The following CCL26 variants were observed in gnomAD, a reference collection of about 807,000 sequenced individuals.
CCL26 encodes C-C motif chemokine 26.
A neutral mutation model predicts 10.7 loss-of-function variants in CCL26; 10 were observed. The observed-to-expected ratio is 0.93, with a 90% CI of 0.57 to 1.58. The LOEUF is 1.58. CCL26 is among the 40% of genes most tolerant of loss of function. CCL26 has a pLI of 0.00. For missense variants in CCL26, 116 were observed against 111.0 expected, an observed-to-expected ratio of 1.05 and a Z score of -0.20; for synonymous variants, 43 against 41.4, an observed-to-expected ratio of 1.04 and a Z score of -0.15.
chr7:75,790,218 T>TCCTTCTTTCTTC (rs1803302008), upstream of CCL26, among the ~76,000 whole-genome samples: 1 of 66,802 alleles, frequency 1.5e-5, no homozygotes, highest in African/African-American at 5.6e-5. Flanking sequence ...TTTCTTTCTT[T>TCCTTCTTTCTTC]CTTCCTTCCT....
upstream of CCL26, among the ~76,000 whole-genome samples, chr7:75,775,595 G>T (rs1490014878): frequency 6.6e-6 from 1 of 152,062 alleles, no homozygotes; most frequent in Non-Finnish European, 1.5e-5. Flanking sequence ...GGTGGGTCAG[G>T]TACCCCCCAG....
upstream of CCL26, among the ~76,000 whole-genome samples, chr7:75,776,377 A>T (rs1473329346): frequency 1.3e-5 from 2 of 151,338 alleles, no homozygotes; most frequent in Admixed American, 6.6e-5. Flanking sequence ...AGCCAAAAAA[A>T]TTTTTTAATT....
At chr7:75,788,787 C>A (rs1285416176) in intron 1 of CCL26, among the ~76,000 whole-genome samples, 9 of 151,484 alleles carry the variant, frequency 5.9e-5, no homozygotes, top group African/African-American at 1.9e-4. Flanking sequence ...TTTGGGGCAA[C>A]TGACTTAAAG....
At chr7:75,779,218 C>T (rs539358858) in intron 1 of CCL26, among the ~76,000 whole-genome samples, 2 of 152,260 alleles carry the variant, frequency 1.3e-5, no homozygotes, top group Admixed American at 1.3e-4. Flanking sequence ...TGACTCTTTT[C>T]AGACTCAGCC....
intron 1 of CCL26, among the ~76,000 whole-genome samples, chr7:75,787,461 G>A (rs544685692): frequency 7.0e-4 from 107 of 151,856 alleles, no homozygotes; most frequent in African/African-American, 2.4e-3. Context: ...TGGCTAACAT[G>A]GTGAAACCCC....
chr7:75,788,724 CAA>C (rs1224411808), intron 1 of CCL26, among the ~76,000 whole-genome samples: 9 of 100,468 alleles, frequency 9.0e-5, no homozygotes, highest in Admixed American at 4.5e-4. Context: ...AGACTCCGTC[CAA>C]AAAAAAAAAA....
chr7:75,771,670 C>T (rs1802823768), intron 2 of CCL26, among the ~76,000 whole-genome samples: 1 of 152,082 alleles, frequency 6.6e-6, no homozygotes, highest in Non-Finnish European at 1.5e-5. Flanking sequence ...GAGCCAAGAT[C>T]GTGCCATTGC....
At chr7:75,773,578 T>C (rs1284517718), upstream of CCL26, among the ~76,000 whole-genome samples, 1 of 151,546 alleles carries the variant, frequency 6.6e-6, no homozygotes, top group African/African-American at 2.4e-5. Context: ...TATTATTATT[T>C]TGTGTGTGTG....
At chr7:75,773,843 A>G (rs551638247), upstream of CCL26, among the ~76,000 whole-genome samples, 7 of 152,102 alleles carry the variant, frequency 4.6e-5, no homozygotes, top group South Asian at 1.0e-3. Context: ...AGATCGTGCC[A>G]TTGCACTCCA....
In CCL26 at chr7:75,789,096, ATTT is replaced by A. The variant is rs527793902; in HGVS notation, c.-79+618_-79+620del. Among the ~76,000 whole-genome samples the A allele has an allele frequency of 1.7e-3, 186 of 110,878 alleles. 1 individual carries two copies. Among genetic ancestry groups the A allele is most frequent in the African/African-American group, 6.2e-3 (179 of 28,742 alleles). The allele number at this position is 110,878 out of a possible 152,430, so 72.7% of individuals were successfully genotyped here. A position where few individuals can be genotyped will look rare whatever the true frequency, so the allele number is the denominator to read the frequency against. Reference sequence around the variant, plus strand: ...ACCACCGTGCCCAGTTCATTTTTTGATTTTTTTTTTTTTTTTTGTAGAGATGTG... The same window carrying A: ...ACCACCGTGCCCAGTTCATTTTTTGATTTTTTTTTTTTTTGTAGAGATGTG... On this transcript the variant is annotated intron_variant, in intron 1 of 3. Coordinates refer to the CCL26 transcript ENST00000394905.
chr7:75,789,017 G>T (rs1803263621), intron 1 of CCL26, among the ~76,000 whole-genome samples: 1 of 151,646 alleles, frequency 6.6e-6, no homozygotes, highest in Admixed American at 6.6e-5. Flanking sequence ...ACTTTCCAAG[G>T]CTCAAGGGAT....
At chr7:75,774,084 T>G (rs1388911294), upstream of CCL26, among the ~76,000 whole-genome samples, 1 of 152,190 alleles carries the variant, frequency 6.6e-6, no homozygotes, top group Non-Finnish European at 1.5e-5. Flanking sequence ...AGAGGATAGA[T>G]GGTGAGTTGC....
chr7:75,769,828 CTT>C (rs782230936), intron 2 of CCL26, 39 bp from the exon 3 acceptor site: 7 of 1,269,558 alleles, frequency 5.5e-6, no homozygotes, highest in Non-Finnish European at 5.8e-6. Flanking sequence ...TATTGAGACT[CTT>C]TGCCTCCTGG....
intron 1 of CCL26, among the ~76,000 whole-genome samples, chr7:75,783,446 T>A (rs1463256642): frequency 1.1e-4 from 17 of 152,174 alleles, no homozygotes; most frequent in African/African-American, 3.9e-4. Context: ...TTACATGGTT[T>A]CCTGCCAGGT....
chr7:75,774,453 G>A (rs887614295), upstream of CCL26, among the ~76,000 whole-genome samples: 1 of 150,498 alleles, frequency 6.6e-6, no homozygotes, highest in African/African-American at 2.4e-5. Flanking sequence ...CCAGCTGTTT[G>A]TTTGTTTTTT....
At chr7:75,775,943 T>C (rs1243999016), upstream of CCL26, among the ~76,000 whole-genome samples, 1 of 151,110 alleles carries the variant, frequency 6.6e-6, no homozygotes, top group Non-Finnish European at 1.5e-5. Context: ...ATTACAGCAG[T>C]GAGCCACCAC....
At position 75,778,589 on chromosome 7, in the gene CCL26, C is replaced by T. The variant is rs374195184; in HGVS notation, c.-78-6335G>A. Among the ~76,000 whole-genome samples, 115 of 147,580 alleles carry T rather than the reference C, an allele frequency of 7.8e-4. 1 individual carries two copies. Among genetic ancestry groups the T allele is most frequent in the African/African-American group, 2.6e-3 (103 of 40,010 alleles). ...TTTTTTAATGTACCTGGTGGTCATTCGTATGTCTTTGAGAAATGTCTATTA... is the reference window on the plus strand; with the variant it reads ...TTTTTTAATGTACCTGGTGGTCATTTGTATGTCTTTGAGAAATGTCTATTA... On this transcript the variant is annotated intron_variant, in intron 1 of 3. Coordinates refer to the CCL26 transcript ENST00000394905.
In CCL26 at chr7:75,769,842, G is replaced by A; in HGVS notation, c.189-53C>T. 3 of 1,163,120 alleles carry A rather than the reference G, an allele frequency of 2.6e-6. No individual in the cohort carries two copies. The South Asian group carries it at 3.7e-5, about 14-fold the overall frequency. The allele number at this position is 1,163,120 out of a possible 1,614,324, so 72.0% of individuals were successfully genotyped here. ...ATATTGAGACTCTTTGCCTCCTGGGGTGGGATAGAAAGGGAAGGAGGGGCA... is the reference window on the plus strand; with the variant it reads ...ATATTGAGACTCTTTGCCTCCTGGGATGGGATAGAAAGGGAAGGAGGGGCA... On this transcript the variant is annotated intron_variant, in intron 2 of 2. Transcript: ENST00000005180.
In CCL26 at chr7:75,769,831, T is replaced by C. The variant is rs1554527905; in HGVS notation, c.189-42A>G. On this transcript the variant is annotated intron_variant, in intron 2 of 2. Transcript: ENST00000005180. ...CGGATAAGTCAATATTGAGACTCTTTGCCTCCTGGGGTGGGATAGAAAGGG... is the reference window on the plus strand; with the variant it reads ...CGGATAAGTCAATATTGAGACTCTTCGCCTCCTGGGGTGGGATAGAAAGGG... 2.4e-6 allele frequency: 3 copies of C among 1,257,502 alleles called. No homozygotes were observed. The African/African-American group carries it at 4.4e-5, about 19-fold the overall frequency. The allele number at this position is 1,257,502 out of a possible 1,614,324, so 77.9% of individuals were successfully genotyped here. A position where few individuals can be genotyped will look rare whatever the true frequency, so the allele number is the denominator to read the frequency against.
Sources: gnomAD v4.1 joint callset for allele counts (sites outside exome capture counted in the v4.1 genomes callset) on GRCh38, gnomAD v4.1.1 for gene constraint, MANE v1.5 for transcripts, NCBI Gene and HGNC (gene_info 2026-07-23, HGNC 2026-07-21) for gene names.